SORCS2: variants seen among roughly 807,000 people sequenced by gnomAD.
SORCS2 encodes the protein VPS10 domain-containing receptor SorCS2.
SORCS2 carries 100 observed loss-of-function variants against 141.6 expected under a neutral mutation model. That is an observed-to-expected ratio of 0.71 (90% CI 0.60 to 0.83). SORCS2 has a LOEUF of 0.83. Ranked by LOEUF, SORCS2 falls within the 40% of genes least tolerant of loss-of-function variation. The pLI, the probability that SORCS2 is intolerant of heterozygous loss-of-function variation, is 0.00. For synonymous variants in SORCS2, 789 were observed against 676.9 expected, an observed-to-expected ratio of 1.17 and a Z score of -2.57; for missense variants, 1,646 against 1,560.2, an observed-to-expected ratio of 1.05 and a Z score of -0.93.
At chr4:7,681,337 G>C (rs1723514472) in intron 9 of SORCS2, among the ~76,000 whole-genome samples, 1 of 152,196 alleles carries the variant, frequency 6.6e-6, no homozygotes, top group African/African-American at 2.4e-5. Flanking sequence ...GTCAGCACAT[G>C]GATCCTTAAC....
At chr4:7,208,534 C>A (rs1727874964) in intron 1 of SORCS2, among the ~76,000 whole-genome samples, 1 of 152,204 alleles carries the variant, frequency 6.6e-6, no homozygotes, top group African/African-American at 2.4e-5. Context: ...CCTTTGTACA[C>A]CCCGGCAGCC....
chr4:7,296,593 C>T (rs1717074823), intron 1 of SORCS2, among the ~76,000 whole-genome samples: 1 of 152,220 alleles, frequency 6.6e-6, no homozygotes, highest in African/African-American at 2.4e-5. Context: ...GGAGGGGTGG[C>T]TACAAGCATG....
intron 1 of SORCS2, among the ~76,000 whole-genome samples, chr4:7,306,428 G>A (rs1717837937): frequency 1.3e-5 from 2 of 152,236 alleles, no homozygotes; most frequent in Admixed American, 6.5e-5. Flanking sequence ...CAGAGAGGAT[G>A]AGGGTGGCGG....
chr4:7,301,159 A>C (rs1239117742), intron 1 of SORCS2, among the ~76,000 whole-genome samples: 1 of 152,012 alleles, frequency 6.6e-6, no homozygotes, highest in Non-Finnish European at 1.5e-5. Flanking sequence ...TCTGGATCCC[A>C]CAGCACAGCC....
At chr4:7,636,466 G>A (rs1255934636) in intron 3 of SORCS2, among the ~76,000 whole-genome samples, 1 of 152,134 alleles carries the variant, frequency 6.6e-6, no homozygotes, top group African/African-American at 2.4e-5. Context: ...TCAGTCTCTG[G>A]GTAACCTGGT....
intron 3 of SORCS2, among the ~76,000 whole-genome samples, chr4:7,628,455 C>T (rs1719664693): frequency 6.7e-6 from 1 of 149,874 alleles, no homozygotes; most frequent in South Asian, 2.1e-4. Flanking sequence ...GGAGATGGAG[C>T]TTGCAGTGAG....
chr4:7,236,337 C>T (rs1013967259), intron 1 of SORCS2, among the ~76,000 whole-genome samples: 2 of 152,134 alleles, frequency 1.3e-5, no homozygotes, highest in Non-Finnish European at 2.9e-5. Flanking sequence ...GCATTCCAGG[C>T]AGCAGAACGG....
intron 8 of SORCS2, among the ~76,000 whole-genome samples, chr4:7,673,898 C>T (rs112295541): frequency 2.7e-3 from 414 of 152,300 alleles, no homozygotes; most frequent in African/African-American, 9.3e-3. Context: ...TCTGACTGCA[C>T]GGTCTAATTC....
At chr4:7,541,239 T>C (rs2071228417) in intron 3 of SORCS2, among the ~76,000 whole-genome samples, 1 of 151,954 alleles carries the variant, frequency 6.6e-6, no homozygotes, top group African/African-American at 2.4e-5. Context: ...TGTAGGGGTG[T>C]GGGCGCCATT....
At chr4:7,729,187 G>A (rs1727430158) in intron 22 of SORCS2, among the ~76,000 whole-genome samples, 1 of 152,216 alleles carries the variant, frequency 6.6e-6, no homozygotes, top group African/African-American at 2.4e-5. Context: ...TAGGGAGTGG[G>A]AAGGGGGAGG....
intron 1 of SORCS2, among the ~76,000 whole-genome samples, chr4:7,204,036 C>T (rs1157542137): frequency 6.6e-6 from 1 of 152,136 alleles, no homozygotes; most frequent in Non-Finnish European, 1.5e-5. Context: ...TGTATGGACA[C>T]CACACATTTC....
intron 2 of SORCS2, among the ~76,000 whole-genome samples, chr4:7,420,492 A>T (rs1356477919): frequency 6.6e-6 from 1 of 152,186 alleles, no homozygotes; most frequent in African/African-American, 2.4e-5. Flanking sequence ...GCCAGTGGAC[A>T]TGTGGGGGCA....
intron 7 of SORCS2, among the ~76,000 whole-genome samples, 164 bp from the exon 8 acceptor site, chr4:7,666,960 G>T (rs1437790706): frequency 2.0e-5 from 3 of 152,034 alleles, no homozygotes; most frequent in East Asian, 1.9e-4. Context: ...TTAATTTGGG[G>T]CTTTGAAGGA....
intron 1 of SORCS2, among the ~76,000 whole-genome samples, chr4:7,217,901 C>G (rs922177582): frequency 3.3e-5 from 5 of 152,156 alleles, no homozygotes; most frequent in African/African-American, 9.7e-5. Flanking sequence ...GGTCGAGAGT[C>G]CAGGAGAGGG....
intron 2 of SORCS2, among the ~76,000 whole-genome samples, chr4:7,499,910 G>A (rs1459935715): frequency 6.6e-6 from 1 of 152,130 alleles, no homozygotes; most frequent in Non-Finnish European, 1.5e-5. Flanking sequence ...AGGGTGCTGG[G>A]TGTGTCAGGT....
chr4:7,512,109 G>C (rs538449473), intron 2 of SORCS2, among the ~76,000 whole-genome samples: 1 of 152,270 alleles, frequency 6.6e-6, no homozygotes, highest in Admixed American at 6.5e-5. Flanking sequence ...CAGGTCCTGG[G>C]ATCTAGGAGA....
At chr4:7,351,967 C>G (rs1031108072) in intron 1 of SORCS2, among the ~76,000 whole-genome samples, 1 of 152,186 alleles carries the variant, frequency 6.6e-6, no homozygotes, top group Non-Finnish European at 1.5e-5. Context: ...TGCCTACTCC[C>G]TCGCCTGTCC....
rs796396614 is a variant in SORCS2, at chr4:7,366,078, G to T, written c.481-30210G>T. Among the ~76,000 whole-genome samples the T allele has an allele frequency of 9.8e-4, 149 of 152,252 alleles. 1 individual carries two copies. Among genetic ancestry groups the T allele is most frequent in the African/African-American group, 3.4e-3 (143 of 41,552 alleles). On this transcript the variant is annotated intron_variant, in intron 1 of 26. Coordinates refer to ENST00000507866, the MANE Select transcript of SORCS2 (RefSeq NM_020777.3). Reference sequence around the variant, plus strand: ...CAGGCACCTCAGTTCTGTGCCAGAGGCAAATGCAGGAGGAGTGCCGGGGGG... The same window carrying T: ...CAGGCACCTCAGTTCTGTGCCAGAGTCAAATGCAGGAGGAGTGCCGGGGGG...
At chr4:7,336,204 G>A (rs564318245) in intron 1 of SORCS2, among the ~76,000 whole-genome samples, 12 of 152,324 alleles carry the variant, frequency 7.9e-5, no homozygotes, top group African/African-American at 2.4e-4. Flanking sequence ...TCGATTGCTC[G>A]TGGTGGAGAT....
Sources: gnomAD v4.1 joint callset for allele counts (sites outside exome capture counted in the v4.1 genomes callset) on GRCh38, gnomAD v4.1.1 for gene constraint, MANE v1.5 for transcripts, NCBI Gene and HGNC (gene_info 2026-07-23, HGNC 2026-07-21) for gene names.